AUTS2: variants seen among roughly 807,000 people sequenced by gnomAD.
AUTS2 encodes activator of transcription and developmental regulator AUTS2.
In AUTS2, 17 loss-of-function variants were observed where a neutral mutation model predicts 112.4. The ratio of observed to expected loss-of-function variants is 0.15; its 90% CI spans 0.10 to 0.23. The LOEUF is 0.23. Ranked by LOEUF, AUTS2 falls within the 10% of genes least tolerant of loss-of-function variation. The pLI, the probability that AUTS2 is intolerant of heterozygous loss-of-function variation, is 1.00. For synonymous variants in AUTS2, 751 were observed against 702.7 expected (o/e 1.07, Z -1.09); for missense variants, 1,510 against 1,701.6 (o/e 0.89, Z 1.98).
chr7:70,173,352 C>A (rs1324985130), intron 4 of AUTS2, among the ~76,000 whole-genome samples: 3 of 150,562 alleles, frequency 2.0e-5, no homozygotes, highest in Non-Finnish European at 4.4e-5. Flanking sequence ...CAGAGCGGGA[C>A]CCCGTCTCAA....
chr7:70,184,825 T>G lies in AUTS2; in HGVS notation c.660+50254T>G, dbSNP rs184519658. Among the ~76,000 whole-genome samples, 174 of 152,322 alleles carry G rather than the reference T, an allele frequency of 1.1e-3. 2 individuals are homozygous for G. The highest frequency in any genetic ancestry group is 7.7e-4 in the East Asian group (4 of 5,188). On this transcript the variant is annotated intron_variant, in intron 4 of 18. Coordinates refer to ENST00000342771, the MANE Select transcript of AUTS2 (RefSeq NM_015570.4). The stretch of plus-strand genomic sequence containing the variant: ...ATGCCCTGGGAAGGTTCTTTATTTA[T>G]AATACAAAATTTCTTTTTTGTGGTT...
intron 1 of AUTS2, among the ~76,000 whole-genome samples, chr7:69,696,985 C>T (rs1797589345): frequency 6.6e-6 from 1 of 152,200 alleles, no homozygotes; most frequent in South Asian, 2.1e-4. Context: ...TCAGTTGTCT[C>T]ACTTCTAAGG....
At chr7:70,783,400 C>A (rs989091657) in intron 15 of AUTS2, 3 of 149,302 alleles carry the variant, frequency 2.0e-5, no homozygotes, top group African/African-American at 7.3e-5. Context: ...GGCTTCCTCT[C>A]CAAACCCAGG....
chr7:70,507,012 A>G (rs1338639673), intron 5 of AUTS2, among the ~76,000 whole-genome samples: 6 of 152,222 alleles, frequency 3.9e-5, no homozygotes, highest in Admixed American at 3.9e-4. Flanking sequence ...CAAGACAGGG[A>G]CCACTGATGC....
chr7:70,554,300 C>T (rs759953510), intron 5 of AUTS2, among the ~76,000 whole-genome samples: 81 of 151,454 alleles, frequency 5.3e-4, no homozygotes, highest in Non-Finnish European at 6.3e-4. Flanking sequence ...AACTCCTGAC[C>T]TCAGGTGATC....
chr7:70,728,492 T>C (rs1585582107), intron 6 of AUTS2, among the ~76,000 whole-genome samples: 1 of 152,106 alleles, frequency 6.6e-6, no homozygotes, highest in Non-Finnish European at 1.5e-5. Flanking sequence ...GTGGGTCACC[T>C]GAGATCAGGA....
At chr7:70,026,468 G>A (rs1800529621) in intron 2 of AUTS2, among the ~76,000 whole-genome samples, 1 of 152,024 alleles carries the variant, frequency 6.6e-6, no homozygotes, top group Non-Finnish European at 1.5e-5. Context: ...ACACACAGAG[G>A]AAGAGCTTAC....
At chr7:70,774,338 C>G in intron 12 of AUTS2, 1 of 513,878 alleles carries the variant, frequency 1.9e-6, no homozygotes, top group Non-Finnish European at 3.5e-6. Flanking sequence ...GAATGAGTTA[C>G]GGTCTGAGCC....
Position 70,789,970 on chromosome 7 carries a change from G to A in AUTS2, c.2754G>A (p.Glu918=), listed in dbSNP as rs1585700506. 3 of 1,612,850 alleles carry A rather than the reference G, an allele frequency of 1.9e-6. No homozygotes were observed. The highest frequency in any genetic ancestry group is 1.7e-5 in the Admixed American group (1 of 59,914). The change falls in exon 19 of 19, where the codon GAG becomes GAA. Residue 918 remains glutamate (E), a synonymous_variant. Transcript: ENST00000342771. ...AGGCGAAAGAGGGCCACCTGCCCGA[G>A]AAGGACGGGCACGGCCACGAGGGGC... ...EHKAKEGHLP[E]KDGHGHEGRA... is the part of the protein sequence containing the mutation.
chr7:70,778,379 G>C (rs1215585920), intron 14 of AUTS2, among the ~76,000 whole-genome samples: 1 of 152,122 alleles, frequency 6.6e-6, no homozygotes, highest in African/African-American at 2.4e-5. Flanking sequence ...TCTCATGAAA[G>C]AAATACAGGA....
intron 2 of AUTS2, among the ~76,000 whole-genome samples, chr7:70,005,426 T>A (rs1009480238): frequency 3.3e-5 from 5 of 152,188 alleles, no homozygotes; most frequent in Non-Finnish European, 7.3e-5. Flanking sequence ...ATATATTTTT[T>A]AAAATGAATG....
intron 6 of AUTS2, among the ~76,000 whole-genome samples, chr7:70,717,673 T>C (rs1168292806): frequency 6.6e-6 from 1 of 152,210 alleles, no homozygotes; most frequent in Admixed American, 6.5e-5. Context: ...CCACTATCTG[T>C]GTAGCTTCCT....
intron 5 of AUTS2, among the ~76,000 whole-genome samples, chr7:70,443,348 TG>T (rs1442528469): frequency 6.6e-6 from 1 of 152,304 alleles, no homozygotes; most frequent in East Asian, 1.9e-4. Flanking sequence ...TGTATGGCCT[TG>T]GGCAAGTTAC....
intron 1 of AUTS2, among the ~76,000 whole-genome samples, chr7:69,762,542 C>T (rs894801166): frequency 1.3e-5 from 2 of 151,966 alleles, no homozygotes; most frequent in Non-Finnish European, 2.9e-5. Flanking sequence ...CTTCTAAGCT[C>T]AAGCCATCTG....
chr7:70,233,763 A>C (rs964706661), intron 4 of AUTS2, among the ~76,000 whole-genome samples: 2 of 152,246 alleles, frequency 1.3e-5, no homozygotes, highest in African/African-American at 4.8e-5. Flanking sequence ...AGAGAAGACC[A>C]TAAGAATCAC....
chr7:69,891,502 A>G (rs550647480), intron 1 of AUTS2, among the ~76,000 whole-genome samples: 1 of 152,268 alleles, frequency 6.6e-6, no homozygotes, highest in South Asian at 2.1e-4. Context: ...CTAGGAGTAG[A>G]ACGGTTGGAT....
At chr7:69,872,676 G>T (rs1793550862) in intron 1 of AUTS2, among the ~76,000 whole-genome samples, 1 of 151,602 alleles carries the variant, frequency 6.6e-6, no homozygotes, top group African/African-American at 2.4e-5. Flanking sequence ...GTATCCTGTG[G>T]TCCATTGCAA....
Position 70,764,808 on chromosome 7 carries a change from ACC to A in AUTS2, c.1272_1273del (p.His424GlnfsTer85). On this transcript the variant is annotated frameshift_variant, in exon 8 of 19. Coordinates refer to ENST00000342771, the MANE Select transcript of AUTS2 (RefSeq NM_015570.4). LOFTEE classifies it high-confidence loss of function. ...CAGCCCGCCCCACCTCACATCTCCC[ACC>A]ACCCCTCTGCCTCCCCGTTCCCCCT... The A allele has an allele frequency of 2.4e-6, 1 of 417,326 alleles. No individual in the cohort carries two copies. The highest frequency in any genetic ancestry group is 4.3e-6 in the Non-Finnish European group (1 of 234,426). 25.9% of individuals were successfully genotyped at this position (417,326 alleles called of 1,614,324 possible).
At chr7:70,231,202 G>A (rs1171657556) in intron 4 of AUTS2, among the ~76,000 whole-genome samples, 1 of 152,180 alleles carries the variant, frequency 6.6e-6, no homozygotes, top group Non-Finnish European at 1.5e-5. Context: ...AAGGTCTGCT[G>A]TCTTGGGTAT....
Sources: allele counts gnomAD v4.1 joint callset (sites outside exome capture counted in the v4.1 genomes callset), GRCh38; gene constraint gnomAD v4.1.1; transcripts MANE v1.5; gene names NCBI Gene and HGNC (gene_info 2026-07-23, HGNC 2026-07-21).